Variants in ACTR3C observed in about 807,000 individuals in gnomAD.
The protein encoded by ACTR3C is actin related protein 3C, also known as actin-related protein 3C.
ACTR3C carries 18 observed loss-of-function variants against 26.3 expected under a neutral mutation model. That is an observed-to-expected ratio of 0.68 (90% CI 0.47 to 1.01). The LOEUF (loss-of-function observed/expected upper bound fraction) is 1.01. ACTR3C is among the 50% of genes least tolerant of loss of function. ACTR3C has a pLI of 0.00. For missense variants in ACTR3C, 184 were observed against 250.7 expected (o/e 0.73, Z 1.80); for synonymous variants, 55 against 94.5 (o/e 0.58, Z 2.42).
the ACTR3C span, among the ~76,000 whole-genome samples, chr7:150,226,426 T>TTTG: frequency 2.4e-4 from 36 of 152,066 alleles, no homozygotes; most frequent in African/African-American, 6.8e-4. Flanking sequence ...CTCATTGCTT[T>TTTG]TTGTTGTTGT....
intron 6 of ACTR3C, among the ~76,000 whole-genome samples, chr7:150,260,633 C>T (rs191799566): frequency 3.2e-4 from 49 of 152,342 alleles, no homozygotes; most frequent in Admixed American, 2.7e-3. Context: ...TAACCTAGGA[C>T]GGGGGTTCAG....
the ACTR3C span, among the ~76,000 whole-genome samples, chr7:149,991,093 G>A: frequency 4.6e-5 from 7 of 152,116 alleles, no homozygotes; most frequent in African/African-American, 9.7e-5. Context: ...TCACAATCAC[G>A]GCAGAAGGCA....
At chr7:149,892,381 ACT>A in the ACTR3C span, 13 of 1,551,472 alleles carry the variant, frequency 8.4e-6, no homozygotes, top group African/African-American at 2.9e-5. Flanking sequence ...ACCTTTGCTG[ACT>A]CTCTGATGGC....
At chr7:150,149,993 A>T in the ACTR3C span, among the ~76,000 whole-genome samples, 1,851 of 151,022 alleles carry the variant, frequency 0.012, 9 homozygotes, top group African/African-American at 0.021. Flanking sequence ...TAAACTTATG[A>T]TTTGTACAAT....
At chr7:150,128,584 C>T in the ACTR3C span, among the ~76,000 whole-genome samples, 16 of 151,502 alleles carry the variant, frequency 1.1e-4, no homozygotes, top group Non-Finnish European at 1.3e-4. Context: ...CAGCCTCATG[C>T]GCTACCTAGG....
the ACTR3C span, among the ~76,000 whole-genome samples, chr7:150,027,999 A>C: frequency 8.6e-5 from 13 of 152,034 alleles, no homozygotes; most frequent in African/African-American, 2.4e-4. Flanking sequence ...CTAGGTGCCC[A>C]AAAAATAAAA....
At chr7:150,028,643 C>T in the ACTR3C span, among the ~76,000 whole-genome samples, 1 of 152,400 alleles carries the variant, frequency 6.6e-6, no homozygotes, top group Middle Eastern at 3.4e-3. Context: ...TGACACTCAG[C>T]AGCTGCTGTC....
the ACTR3C span, among the ~76,000 whole-genome samples, chr7:150,053,849 T>C: frequency 1.3e-5 from 2 of 152,230 alleles, no homozygotes; most frequent in African/African-American, 4.8e-5. Flanking sequence ...TATAGTGTAT[T>C]TCTAAAATGT....
the ACTR3C span, among the ~76,000 whole-genome samples, chr7:150,085,977 TTTC>T: frequency 3.7e-3 from 556 of 151,648 alleles, 4 homozygotes; most frequent in African/African-American, 0.013. Context: ...TTCTTTTTTC[TTTC>T]TTCTTTTTTT....
chr7:150,231,012 G>A, the ACTR3C span, among the ~76,000 whole-genome samples: 1 of 151,204 alleles, frequency 6.6e-6, no homozygotes, highest in African/African-American at 2.4e-5. Context: ...ATTTTTTTAT[G>A]CTTTTCTTCT....
At chr7:150,073,942 A>G in the ACTR3C span, 3 of 152,244 alleles carry the variant, frequency 2.0e-5, no homozygotes, top group Admixed American at 6.5e-5. Context: ...AGAAAGGAAT[A>G]AAATATTTCA....
the ACTR3C span, among the ~76,000 whole-genome samples, chr7:150,162,693 C>A: frequency 6.6e-6 from 1 of 152,168 alleles, no homozygotes; most frequent in Non-Finnish European, 1.5e-5. Flanking sequence ...GACATCCATG[C>A]TACAGGTTTT....
the ACTR3C span, among the ~76,000 whole-genome samples, chr7:149,903,891 TTTGTTGTTGCTGGTTG>T: frequency 3.8e-5 from 1 of 26,000 alleles, no homozygotes; most frequent in African/African-American, 6.3e-5. Flanking sequence ...GTTGTTGTTG[TTTGTTGTTGCTGGTTG>T]TTGTTGTTGT....
At chr7:150,093,893 C>A in the ACTR3C span, among the ~76,000 whole-genome samples, 1 of 150,844 alleles carries the variant, frequency 6.6e-6, no homozygotes, top group Non-Finnish European at 1.5e-5. Context: ...AATTAGTTAT[C>A]GAGGGCTTCC....
chr7:149,989,900 C>T, the ACTR3C span, among the ~76,000 whole-genome samples: 1 of 152,288 alleles, frequency 6.6e-6, no homozygotes, highest in African/African-American at 2.4e-5. Flanking sequence ...CCCTCTAACA[C>T]TGTGTGAGGG....
chr7:149,895,379 A>T, the ACTR3C span, among the ~76,000 whole-genome samples: 1 of 149,730 alleles, frequency 6.7e-6, no homozygotes, highest in Non-Finnish European at 1.5e-5. Context: ...TAAAAAATGT[A>T]GAGTACATGT....
chr7:150,145,987 T>C, the ACTR3C span, among the ~76,000 whole-genome samples: 1 of 151,306 alleles, frequency 6.6e-6, no homozygotes, highest in Non-Finnish European at 1.5e-5. Flanking sequence ...TTTGCTAATG[T>C]AATAATAAAA....
At chr7:149,948,627 T>C in the ACTR3C span, among the ~76,000 whole-genome samples, 1 of 150,700 alleles carries the variant, frequency 6.6e-6, no homozygotes, top group African/African-American at 2.5e-5. Flanking sequence ...TCCCTCACCG[T>C]CCCCGGGCAG....
At chr7:150,314,412 G>A (rs994473225) in intron 1 of ACTR3C, among the ~76,000 whole-genome samples, 1 of 152,158 alleles carries the variant, frequency 6.6e-6, no homozygotes, top group Admixed American at 6.5e-5. Flanking sequence ...TTATAGAAGA[G>A]AGTGATCCGC....
Sources: allele counts gnomAD v4.1 joint callset (sites outside exome capture counted in the v4.1 genomes callset), GRCh38; gene constraint gnomAD v4.1.1; transcripts MANE v1.5; gene names NCBI Gene and HGNC (gene_info 2026-07-23, HGNC 2026-07-21).